The following DNAH6 variants were observed in gnomAD, a reference collection of about 807,000 sequenced individuals.
The protein encoded by DNAH6 is axonemal beta dynein heavy chain 6.
DNAH6 carries 340 observed loss-of-function variants against 491.4 expected under a neutral mutation model. The observed-to-expected ratio is 0.69, with a 90% CI of 0.63 to 0.76. The LOEUF is 0.76. Among genes scored for constraint, DNAH6 ranks in the 30% least tolerant of loss-of-function variants. The pLI, the probability that DNAH6 is intolerant of heterozygous loss-of-function variation, is 0.00. For missense variants in DNAH6, 4,443 were observed against 4,972.2 expected, an observed-to-expected ratio of 0.89 and a Z score of 3.20; for synonymous variants, 1,603 against 1,686.1, an observed-to-expected ratio of 0.95 and a Z score of 1.21.
chr2:84,586,015 G>A (rs1465407857), intron 15 of DNAH6, among the ~76,000 whole-genome samples: 1 of 152,200 alleles, frequency 6.6e-6, no homozygotes, highest in Non-Finnish European at 1.5e-5. Flanking sequence ...GCTGTTCATG[G>A]CACCAGGGTT....
At position 84,549,970 on chromosome 2, in the gene DNAH6, T is replaced by A; in HGVS notation, c.1398T>A (p.His466Gln). 1 of 1,613,946 alleles carries A rather than the reference T, an allele frequency of 6.2e-7. No homozygotes were observed. The highest frequency in any genetic ancestry group is 2.2e-5 in the East Asian group (1 of 44,860). ...TVNAVNSLLN[H>Q]LTDKLKRTPS... ...ATGCTGTTAATTCGCTTTTGAACCA[T>A]CTCACTGACAAGCTAAAACGAACAC... Residue 466 changes from histidine to glutamine, a missense_variant, in exon 9 of 77, where the codon CAT becomes CAA. By Grantham distance (24) the His-to-Gln change is conservative. Coordinates refer to ENST00000389394, the MANE Select transcript of DNAH6 (RefSeq NM_001370.2).
chr2:84,616,838 T>G, intron 22 of DNAH6, 48 bp from the exon 23 acceptor site: 1 of 1,018,608 alleles, frequency 9.8e-7, no homozygotes, highest in South Asian at 2.1e-5. Context: ...CAGAAAAAAA[T>G]TTGATTTTAA....
At chr2:84,610,514 A>G (rs977688439) in intron 21 of DNAH6, among the ~76,000 whole-genome samples, 1 of 152,104 alleles carries the variant, frequency 6.6e-6, no homozygotes, top group East Asian at 1.9e-4. Flanking sequence ...GTCTCCTTGG[A>G]ATCTTTCCTT....
chr2:84,743,845 T>C (rs1271816977), intron 62 of DNAH6, among the ~76,000 whole-genome samples: 1 of 152,166 alleles, frequency 6.6e-6, no homozygotes, highest in African/African-American at 2.4e-5. Context: ...AAATAATGCA[T>C]TATTAGATAC....
intron 33 of DNAH6, among the ~76,000 whole-genome samples, chr2:84,643,249 A>G (rs1023542100): frequency 2.6e-5 from 4 of 151,084 alleles, no homozygotes; most frequent in Non-Finnish European, 4.4e-5. Flanking sequence ...ATCTTTGCTC[A>G]TCTATAGGTA....
At chr2:84,472,729 A>C in the DNAH6 span, among the ~76,000 whole-genome samples, 1 of 152,242 alleles carries the variant, frequency 6.6e-6, no homozygotes, top group Non-Finnish European at 1.5e-5. Flanking sequence ...CAAAAGCTGC[A>C]GACACCAATG....
chr2:84,658,452 A>G lies in DNAH6; in HGVS notation c.5918A>G (p.Lys1973Arg). The change falls in exon 36 of 77, where the codon AAA becomes AGA. Residue 1973 changes from lysine (K) to arginine (R), a missense_variant. Transcript: ENST00000389394. ...TTATTGGAGTCCTTGATACTTGGGA[A>G]AGATGGAGTTAACTTGGCAATGGTA... ...CCLLESLILG[K>R]DGVNLAMEQT... 1 of 1,518,374 alleles carries G rather than the reference A, an allele frequency of 6.6e-7. No individual in the cohort carries two copies. Among genetic ancestry groups the G allele is most frequent in the African/African-American group, 1.4e-5 (1 of 71,552 alleles). The allele number at this position is 1,518,374 out of a possible 1,614,324, so 94.1% of individuals were successfully genotyped here. A position where few individuals can be genotyped will look rare whatever the true frequency, so the allele number is the denominator to read the frequency against.
chr2:84,658,992 A>G, intron 36 of DNAH6, 34 bp from the exon 37 acceptor site: 2 of 1,256,224 alleles, frequency 1.6e-6, no homozygotes, highest in Non-Finnish European at 2.2e-6. Flanking sequence ...GTTCATATAT[A>G]AAATATTAAG....
intron 64 of DNAH6, among the ~76,000 whole-genome samples, chr2:84,780,375 AG>A (rs35008951): frequency 0.027 from 4,095 of 152,080 alleles, 79 homozygotes; most frequent in South Asian, 0.06. Flanking sequence ...GGTTGTTTTG[AG>A]GGGACAGTCT....
At chr2:84,552,211 T>C (rs1334431507) in intron 9 of DNAH6, among the ~76,000 whole-genome samples, 1 of 152,204 alleles carries the variant, frequency 6.6e-6, no homozygotes, top group Non-Finnish European at 1.5e-5. Flanking sequence ...AAGCAGGGCA[T>C]GGATCTAGGA....
intron 62 of DNAH6, 77 bp downstream of exon 62, chr2:84,733,656 C>T (rs894060569): frequency 1.0e-5 from 14 of 1,353,464 alleles, no homozygotes; most frequent in South Asian, 1.6e-5. Context: ...TTTCTTTAAC[C>T]TCTTCTGTAA....
intron 74 of DNAH6, 124 bp from the exon 75 acceptor site, chr2:84,813,847 T>G: frequency 1.1e-6 from 1 of 921,836 alleles, no homozygotes; most frequent in East Asian, 2.7e-5. Context: ...GTATTAAGAG[T>G]TGGGTCTTCT....
At chr2:84,762,642 G>T in intron 63 of DNAH6, 113 bp from the exon 64 acceptor site, 1 of 700,782 alleles carries the variant, frequency 1.4e-6, no homozygotes, top group South Asian at 1.9e-5. Flanking sequence ...AATCAAGACA[G>T]AATAAGTACA....
intron 3 of DNAH6, among the ~76,000 whole-genome samples, chr2:84,525,948 A>G (rs1345463897): frequency 6.6e-6 from 1 of 152,196 alleles, no homozygotes; most frequent in Non-Finnish European, 1.5e-5. Context: ...CCATCTGTAC[A>G]GTGCCTTCTG....
Position 84,699,642 on chromosome 2 carries a change from C to T in DNAH6, c.7726C>T (p.Leu2576Phe). ...AGTGCGTCAGAAGCTGCACATTGTT[C>T]TCTGCATGAGCCCAGTTGGGGAGGC... ...SKVRQKLHIV[L>F]CMSPVGEAFR... is the part of the protein sequence containing the mutation. The change falls in exon 48 of 77, where the codon CTC (leucine) becomes TTC (phenylalanine). Residue 2576 changes from leucine (L) to phenylalanine (F), a missense_variant. Leu to Phe is a conservative substitution (Grantham distance 22). Around this residue, in one of 3 missense-constraint regions of DNAH6, gnomAD observed 2,977 missense variants for 3,296.6 expected, o/e 0.90. Transcript: ENST00000389394. 2 of 1,551,830 alleles carry T rather than the reference C, an allele frequency of 1.3e-6. No individual in the cohort carries two copies. The highest frequency in any genetic ancestry group is 1.7e-6 in the Non-Finnish European group (2 of 1,146,986).
intron 64 of DNAH6, among the ~76,000 whole-genome samples, chr2:84,775,175 G>A (rs939599160): frequency 6.6e-6 from 1 of 152,110 alleles, no homozygotes; most frequent in Non-Finnish European, 1.5e-5. Context: ...TTTGAAGTAT[G>A]TCCCTTCAAT....
At chr2:84,560,611 T>G (rs866133378) in intron 11 of DNAH6, among the ~76,000 whole-genome samples, 1 of 150,114 alleles carries the variant, frequency 6.7e-6, no homozygotes, top group African/African-American at 2.5e-5. Context: ...CCTCCCCGCT[T>G]CCCCCACCCC....
At chr2:84,707,807 C>G (rs923902610) in intron 54 of DNAH6, 91 bp downstream of exon 54, 1 of 949,322 alleles carries the variant, frequency 1.1e-6, no homozygotes, top group African/African-American at 1.7e-5. Context: ...GATGGAGGCT[C>G]TCCACTGTAG....
Position 84,637,249 on chromosome 2 carries a change from G to C in DNAH6, c.4693G>C (p.Val1565Leu), listed in dbSNP as rs1359104701. Residue 1565 changes from valine to leucine, a missense_variant, in exon 31 of 77, where the codon GTG (valine) becomes CTG (leucine). Transcript: ENST00000389394. ...FMFEGREIKL[V>L]MTCAAFITMN... ...GTTTGAGGGGCGGGAAATAAAGTTG[G>C]TGATGACTTGTGCAGCCTTCATCAC... 1 of 1,550,044 alleles carries C rather than the reference G, an allele frequency of 6.5e-7. No homozygotes were observed. Among genetic ancestry groups the C allele is most frequent in the Non-Finnish European group, 8.7e-7 (1 of 1,146,162 alleles).
Sources: allele counts gnomAD v4.1 joint callset (sites outside exome capture counted in the v4.1 genomes callset), GRCh38; gene constraint gnomAD v4.1.1; regional missense constraint gnomAD v4.1.1; transcripts MANE v1.5; gene names NCBI Gene and HGNC (gene_info 2026-07-23, HGNC 2026-07-21).